Variants in RTL4 observed in about 807,000 individuals in gnomAD.
RTL4 encodes retrotransposon Gag-like protein 4.
A neutral mutation model predicts 5.3 loss-of-function variants in RTL4; 4 were observed. That is an observed-to-expected ratio of 0.75 (90% CI 0.37 to 1.72). The LOEUF is 1.72. Ranked by LOEUF, RTL4 falls within the 40% of genes most tolerant of loss-of-function variation. RTL4 has a pLI of 0.04. For synonymous variants in RTL4, 98 were observed against 87.3 expected (o/e 1.12, Z -0.68); for missense variants, 260 against 227.1 (o/e 1.14, Z -0.93).
chrX:112,356,684 C>T, the RTL4 span, among the ~76,000 whole-genome samples: 4 of 110,615 alleles, frequency 3.6e-5, no homozygotes, highest in Non-Finnish European at 7.6e-5. Context: ...TCTATTTACT[C>T]ATGCTTCTCA....
At chrX:112,352,533 T>C in the RTL4 span, among the ~76,000 whole-genome samples, 2 of 111,060 alleles carry the variant, frequency 1.8e-5, no homozygotes, top group South Asian at 3.8e-4. Context: ...GCTGCATATC[T>C]ACAACCATCT....
chrX:112,454,863 T>G (rs764174832), exon 1 of RTL4: 20 of 1,211,156 alleles, frequency 1.7e-5, no homozygotes, highest in Non-Finnish European at 2.2e-5. Flanking sequence ...AAGTCATGCC[T>G]GCCCTGGCCA....
At chrX:112,147,603 C>A in the RTL4 span, among the ~76,000 whole-genome samples, 1 of 111,532 alleles carries the variant, frequency 9.0e-6, no homozygotes, top group Non-Finnish European at 1.9e-5. Flanking sequence ...CAATACCATA[C>A]CTTAAAACAA....
At chrX:112,148,796 G>A in the RTL4 span, among the ~76,000 whole-genome samples, 2 of 112,004 alleles carry the variant, frequency 1.8e-5, no homozygotes, top group South Asian at 3.8e-4. Context: ...AGAATTTTGC[G>A]TGGTTGTATA....
chrX:112,418,449 A>T, the RTL4 span, among the ~76,000 whole-genome samples: 1 of 111,938 alleles, frequency 8.9e-6, no homozygotes, highest in East Asian at 2.8e-4. Context: ...ATTAAAAAAT[A>T]GTATCTACTC....
chrX:112,302,581 T>G, the RTL4 span, among the ~76,000 whole-genome samples: 1 of 112,501 alleles, frequency 8.9e-6, no homozygotes, highest in African/African-American at 3.2e-5. Context: ...ATTGTACTCA[T>G]TAAGTAATTT....
At chrX:112,201,768 A>G in the RTL4 span, among the ~76,000 whole-genome samples, 1 of 111,667 alleles carries the variant, frequency 9.0e-6, no homozygotes, top group African/African-American at 3.3e-5. Flanking sequence ...ATTGATTTTA[A>G]AAACATTTTA....
At chrX:112,158,920 A>G in the RTL4 span, among the ~76,000 whole-genome samples, 8 of 111,797 alleles carry the variant, frequency 7.2e-5, no homozygotes, top group East Asian at 2.0e-3. Context: ...AGGTTTACAG[A>G]GATATACACT....
At chrX:112,348,842 A>G in the RTL4 span, among the ~76,000 whole-genome samples, 6 of 110,583 alleles carry the variant, frequency 5.4e-5, no homozygotes, top group Non-Finnish European at 1.1e-4. Flanking sequence ...AGTATGGGTC[A>G]TACAACAAGG....
the RTL4 span, among the ~76,000 whole-genome samples, chrX:112,178,386 G>GT: frequency 0.32 from 35,192 of 110,027 alleles, 4,595 homozygotes; most frequent in African/African-American, 0.46. Flanking sequence ...CCGTGAAACA[G>GT]AAAAGGATTT....
chrX:112,421,274 G>C, the RTL4 span, among the ~76,000 whole-genome samples: 3 of 111,654 alleles, frequency 2.7e-5, no homozygotes, highest in African/African-American at 9.8e-5. Flanking sequence ...AAGAAAAATT[G>C]TGGGAATAAA....
the RTL4 span, among the ~76,000 whole-genome samples, chrX:112,243,644 C>G: frequency 9.0e-6 from 1 of 111,386 alleles, no homozygotes; most frequent in Non-Finnish European, 1.9e-5. Context: ...TTTCAAAAAA[C>G]CAGCTCCTGG....
At chrX:112,321,344 T>C in the RTL4 span, among the ~76,000 whole-genome samples, 1 of 110,630 alleles carries the variant, frequency 9.0e-6, no homozygotes, top group African/African-American at 3.3e-5. Flanking sequence ...GAGACCATCC[T>C]GGCCAACATA....
chrX:112,416,094 T>C, the RTL4 span, among the ~76,000 whole-genome samples: 1 of 111,239 alleles, frequency 9.0e-6, no homozygotes, highest in African/African-American at 3.3e-5. Flanking sequence ...GTAACTCCAA[T>C]ATCTCCCTCC....
At chrX:112,367,409 A>G in the RTL4 span, among the ~76,000 whole-genome samples, 1 of 111,810 alleles carries the variant, frequency 8.9e-6, no homozygotes, top group Non-Finnish European at 1.9e-5. Context: ...TCCTAAAGGC[A>G]TTATTGCATG....
chrX:112,434,771 G>C, the RTL4 span, among the ~76,000 whole-genome samples: 1 of 111,643 alleles, frequency 9.0e-6, no homozygotes, highest in African/African-American at 3.3e-5. Context: ...GTTATCTTCT[G>C]GGCACTTTGT....
At chrX:112,270,549 G>A in the RTL4 span, among the ~76,000 whole-genome samples, 471 of 111,848 alleles carry the variant, frequency 4.2e-3, 2 homozygotes, top group Non-Finnish European at 5.7e-3. Flanking sequence ...AAGAAAAAGA[G>A]AGGATGTGGA....
chrX:112,128,659 C>CAAAAAAAAAAAAAAAAAA, the RTL4 span, among the ~76,000 whole-genome samples: 2 of 41,117 alleles, frequency 4.9e-5, no homozygotes, highest in Non-Finnish European at 1.1e-4. Flanking sequence ...CTCTGTCTCA[C>CAAAAAAAAAAAAAAAAAA]AAAAAAAAAA....
the RTL4 span, among the ~76,000 whole-genome samples, chrX:112,254,335 A>AT: frequency 8.6e-3 from 882 of 102,867 alleles, 12 homozygotes; most frequent in African/African-American, 0.028. Context: ...CTTCTTTTTA[A>AT]TTTTTTTTTT....
Sources: gnomAD v4.1 joint callset for allele counts (sites outside exome capture counted in the v4.1 genomes callset) on GRCh38, gnomAD v4.1.1 for gene constraint, MANE v1.5 for transcripts, NCBI Gene and HGNC (gene_info 2026-07-23, HGNC 2026-07-21) for gene names.